Variants in RBM41 observed in about 807,000 individuals in gnomAD.
The protein encoded by RBM41 is RNA-binding protein 41.
In RBM41, 14 loss-of-function variants were observed where a neutral mutation model predicts 30.8. That is an observed-to-expected ratio of 0.45 (90% CI 0.30 to 0.71). RBM41 has a LOEUF of 0.71. Among genes scored for constraint, RBM41 ranks in the 30% least tolerant of loss-of-function variants. The pLI is 0.08. For synonymous variants in RBM41, 120 were observed against 110.1 expected, an observed-to-expected ratio of 1.09 and a Z score of -0.56; for missense variants, 276 against 326.3, an observed-to-expected ratio of 0.85 and a Z score of 1.19.
chrX:107,102,058 T>C (rs1923512563), intron 5 of RBM41, among the ~76,000 whole-genome samples: 1 of 111,539 alleles, frequency 9.0e-6, no homozygotes, highest in Non-Finnish European at 1.9e-5. Context: ...CACGTAATCA[T>C]GAACAAAATG....
At chrX:107,076,949 T>G (rs1415959230) in intron 6 of RBM41, among the ~76,000 whole-genome samples, 6 of 111,922 alleles carry the variant, frequency 5.4e-5, no homozygotes, top group Non-Finnish European at 1.1e-4. Flanking sequence ...ACCTGGATAT[T>G]AACATATTTA....
At chrX:107,077,567 A>G (rs1211888654) in intron 6 of RBM41, among the ~76,000 whole-genome samples, 1 of 83,164 alleles carries the variant, frequency 1.2e-5, no homozygotes, top group Non-Finnish European at 2.2e-5. Flanking sequence ...TATCCACAAC[A>G]TACATAACAC....
At chrX:107,060,253 G>T (rs189186304), downstream of RBM41, among the ~76,000 whole-genome samples, 1 of 96,434 alleles carries the variant, frequency 1.0e-5, no homozygotes, top group East Asian at 3.2e-4. Flanking sequence ...AATATAGAGT[G>T]AAAAAAAAAA....
At chrX:107,110,786 T>C (rs997452635) in intron 5 of RBM41, among the ~76,000 whole-genome samples, 1 of 111,333 alleles carries the variant, frequency 9.0e-6, no homozygotes, top group African/African-American at 3.3e-5. Context: ...CCAGGATCAT[T>C]CAGTGTGGAA....
At position 107,066,529 on chromosome X, in the gene RBM41, T is replaced by C. The variant is rs940150716; in HGVS notation, c.*998A>G. Reference sequence around the variant, plus strand: ...AGCCTGGATAATATCTCAGTTCATCTTCACAACCCAGTGAGGTAAGTAGCA... The same window carrying C: ...AGCCTGGATAATATCTCAGTTCATCCTCACAACCCAGTGAGGTAAGTAGCA... On this transcript the variant is annotated 3_prime_UTR_variant, in exon 8 of 8. Coordinates refer to ENST00000685964, the MANE Select transcript of RBM41 (RefSeq NM_001324242.2). The C allele has an allele frequency of 7.1e-6, 1 of 141,264 alleles. No individual in the cohort carries two copies. The highest frequency in any genetic ancestry group is 1.2e-5 in the Non-Finnish European group (1 of 80,287). 11.6% of individuals were successfully genotyped at this position (141,264 alleles called of 1,213,427 possible). A position where few individuals can be genotyped will look rare whatever the true frequency, so the allele number is the denominator to read the frequency against.
Position 107,115,847 on chromosome X carries a change from C to T in RBM41, c.318+15G>A, listed in dbSNP as rs768688186. On this transcript the variant is annotated intron_variant, in intron 3 of 7. Coordinates refer to ENST00000685964, the MANE Select transcript of RBM41 (RefSeq NM_001324242.2). ...GAGGAGAAAAACCAACAAAAAAAAA[C>T]ATTACCCCACTCACCTTTTCACCAG... is the stretch of plus-strand genomic sequence containing the variant. 21 of 1,155,752 alleles carry T rather than the reference C, an allele frequency of 1.8e-5. No individual in the cohort carries two copies. The Admixed American group carries it at 4.0e-4, about 22-fold the overall frequency.
At chrX:107,060,833 AC>A (rs1199849019), downstream of RBM41, among the ~76,000 whole-genome samples, 1 of 111,327 alleles carries the variant, frequency 9.0e-6, no homozygotes, top group Non-Finnish European at 1.9e-5. Context: ...GAAAACTGTA[AC>A]TTTACAGTAA....
At chrX:107,076,444 G>A (rs1042863712) in intron 6 of RBM41, among the ~76,000 whole-genome samples, 34 of 110,645 alleles carry the variant, frequency 3.1e-4, no homozygotes, top group African/African-American at 1.1e-3. Context: ...AATGAAACTC[G>A]AGGACTATAG....
chrX:107,090,552 G>A (rs1010579444), intron 5 of RBM41, among the ~76,000 whole-genome samples: 4 of 110,930 alleles, frequency 3.6e-5, no homozygotes, highest in African/African-American at 6.6e-5. Context: ...ATTGCTTCTC[G>A]GCTTTCTGGC....
At chrX:107,081,101 A>G (rs943751478) in intron 6 of RBM41, among the ~76,000 whole-genome samples, 1 of 111,911 alleles carries the variant, frequency 8.9e-6, no homozygotes, top group African/African-American at 3.2e-5. Flanking sequence ...ATCAAACACA[A>G]GGTCACTTAG....
In RBM41 at chrX:107,063,480, G is replaced by A. The variant is rs1297300276; in HGVS notation, c.*4047C>T. On this transcript the variant is annotated 3_prime_UTR_variant, in exon 8 of 8. Coordinates refer to ENST00000685964, the MANE Select transcript of RBM41 (RefSeq NM_001324242.2). ...AGAATTCATTTAAGAAGCTATTTCA[G>A]CCTGGGCTCTTCTTTGTGGGTATCT... Among the ~76,000 whole-genome samples, 1 of 111,892 alleles carries A rather than the reference G, an allele frequency of 8.9e-6. No individual in the cohort carries two copies. Among genetic ancestry groups the A allele is most frequent in the Admixed American group, 9.5e-5 (1 of 10,539 alleles).
In RBM41 at chrX:107,062,907, A is replaced by G. The variant is rs182575965; in HGVS notation, c.*4620T>C. Among the ~76,000 whole-genome samples, 1 of 112,154 alleles carries G rather than the reference A, an allele frequency of 8.9e-6. No homozygotes were observed. The highest frequency in any genetic ancestry group is 2.8e-4 in the East Asian group (1 of 3,592). ...ATTAACTTAATACACAACCTTGGAC[A>G]TGAGTATAGGTCATAATATATTCAT... is the stretch of plus-strand genomic sequence containing the variant. On this transcript the variant is annotated 3_prime_UTR_variant, in exon 8 of 8. Transcript: ENST00000685964.
At chrX:107,060,459 T>C (rs1204167582), downstream of RBM41, among the ~76,000 whole-genome samples, 1 of 110,460 alleles carries the variant, frequency 9.1e-6, no homozygotes, top group Non-Finnish European at 1.9e-5. Flanking sequence ...ACCTCCGCCA[T>C]AAAAGGGAGC....
intron 6 of RBM41, among the ~76,000 whole-genome samples, chrX:107,074,455 T>A (rs1936167374): frequency 9.0e-6 from 1 of 111,366 alleles, no homozygotes; most frequent in Admixed American, 9.6e-5. Context: ...ATCACTTTTC[T>A]GTTTTAATTA....
At chrX:107,069,005 TAC>T (rs1935944081) in intron 7 of RBM41, among the ~76,000 whole-genome samples, 1 of 111,240 alleles carries the variant, frequency 9.0e-6, no homozygotes, top group Non-Finnish European at 1.9e-5. Flanking sequence ...GTGAAGGGAG[TAC>T]AGATTTTGGT....
At position 107,088,833 on chromosome X, in the gene RBM41, G is replaced by T. The variant is rs1342218983; in HGVS notation, c.602C>A (p.Pro201His). ...RKIKLGTKDEPQKKNKGDPMN... is the reference protein window; with the variant it reads ...RKIKLGTKDEHQKKNKGDPMN... The stretch of plus-strand genomic sequence containing the variant: ...GGGATCACCTTTGTTCTTCTTTTGG[G>T]GTTCATCTGGATCAAGACAAAGAGA... Residue 201 changes from proline to histidine, a missense_variant, in exon 6 of 8, where the codon CCC becomes CAC. Transcript: ENST00000685964. The T allele has an allele frequency of 8.3e-7, 1 of 1,198,833 alleles. No homozygotes were observed. Among genetic ancestry groups the T allele is most frequent in the African/African-American group, 1.7e-5 (1 of 57,321 alleles).
rs762891426 is a variant in RBM41 at position 107,067,965 on chromosome X, G to A, written c.1148-272C>T. On this transcript the variant is annotated intron_variant, in intron 7 of 7. Coordinates refer to ENST00000685964, the MANE Select transcript of RBM41 (RefSeq NM_001324242.2). ...GTAGAGAAACAAAGACATAGGCAGC[G>A]TGCTAAAGAAGTCTAAGCTATTAGT... is the stretch of plus-strand genomic sequence containing the variant. Among the ~76,000 whole-genome samples the A allele has an allele frequency of 2.3e-3, 259 of 111,769 alleles. 1 individual carries two copies. Among genetic ancestry groups the A allele is most frequent in the African/African-American group, 7.9e-3 (243 of 30,857 alleles).
the RBM41 span, among the ~76,000 whole-genome samples, chrX:107,053,351 C>A: frequency 8.8e-6 from 1 of 113,187 alleles, no homozygotes; most frequent in Non-Finnish European, 1.9e-5. Context: ...GGTAGGCAGA[C>A]TATTCGTGTG....
At chrX:107,112,964 T>G in intron 5 of RBM41, 1 of 289,784 alleles carries the variant, frequency 3.5e-6, no homozygotes, top group South Asian at 3.4e-5. Context: ...GGTGGTTACA[T>G]GAATCTACAT....
Sources: allele counts gnomAD v4.1 joint callset (sites outside exome capture counted in the v4.1 genomes callset), GRCh38; gene constraint gnomAD v4.1.1; transcripts MANE v1.5; gene names NCBI Gene and HGNC (gene_info 2026-07-23, HGNC 2026-07-21).